The following ANKS1B variants were observed in gnomAD, a reference collection of about 807,000 sequenced individuals.
ANKS1B encodes ankyrin repeat and sterile alpha motif domain-containing protein 1B.
A neutral mutation model predicts 148.3 loss-of-function variants in ANKS1B; 36 were observed. That is an observed-to-expected ratio of 0.24 (90% CI 0.19 to 0.32). ANKS1B has a LOEUF of 0.32. ANKS1B is among the 10% of genes least tolerant of loss of function. The pLI, the probability that ANKS1B is intolerant of heterozygous loss-of-function variation, is 1.00. For synonymous variants in ANKS1B, 542 were observed against 560.8 expected (o/e 0.97, Z 0.47); for missense variants, 1,157 against 1,542.6 (o/e 0.75, Z 4.19).
chr12:98,784,072 G>T lies in ANKS1B; in HGVS notation c.3343-1935C>A, dbSNP rs1040639823. Among the ~76,000 whole-genome samples, 15 of 152,348 alleles carry T rather than the reference G, an allele frequency of 9.8e-5. No homozygotes were observed. In the East Asian group the frequency reaches 2.9e-3, roughly 29 times the overall value. On this transcript the variant is annotated intron_variant, in intron 22 of 26. Coordinates refer to ENST00000683438, the MANE Select transcript of ANKS1B (RefSeq NM_001352186.2). ...GAATGGGTGGGAGGATTCCACAGAT[G>T]AAGAAGCCACTGAGATAAGGAATAC...
At chr12:99,106,746 G>T (rs758943593) in intron 15 of ANKS1B, among the ~76,000 whole-genome samples, 17 of 152,276 alleles carry the variant, frequency 1.1e-4, no homozygotes, top group Non-Finnish European at 1.2e-4. Context: ...GAATACACAA[G>T]AAATTGTTAA....
chr12:98,980,926 C>A (rs2099909232), intron 17 of ANKS1B, among the ~76,000 whole-genome samples: 1 of 152,084 alleles, frequency 6.6e-6, no homozygotes, highest in Admixed American at 6.6e-5. Context: ...CTTTTTTTGT[C>A]TTCTTCCTCT....
At chr12:99,279,655 G>A (rs146385467) in intron 12 of ANKS1B, among the ~76,000 whole-genome samples, 45 of 152,252 alleles carry the variant, frequency 3.0e-4, no homozygotes, top group African/African-American at 1.0e-3. Flanking sequence ...TATCAAACAT[G>A]TTCTCAAAAT....
chr12:99,312,038 T>A (rs2083254690), intron 12 of ANKS1B, among the ~76,000 whole-genome samples: 1 of 152,170 alleles, frequency 6.6e-6, no homozygotes, highest in Admixed American at 6.6e-5. Context: ...GGAGAAATTT[T>A]AGAAAGAGAT....
intron 16 of ANKS1B, among the ~76,000 whole-genome samples, chr12:99,058,498 C>T (rs2153548792): frequency 6.6e-6 from 1 of 152,124 alleles, no homozygotes; most frequent in South Asian, 2.1e-4. Context: ...ATCTGCCTGC[C>T]TCAACCTCCC....
At chr12:99,031,218 A>C (rs1410151544) in intron 17 of ANKS1B, among the ~76,000 whole-genome samples, 28 of 152,222 alleles carry the variant, frequency 1.8e-4, no homozygotes, top group Admixed American at 1.8e-3. Context: ...ACATATTCCA[A>C]GTCAAATTGA....
At chr12:99,531,477 CCA>C (rs1377633664) in intron 9 of ANKS1B, among the ~76,000 whole-genome samples, 1 of 152,126 alleles carries the variant, frequency 6.6e-6, no homozygotes, top group African/African-American at 2.4e-5. Flanking sequence ...TTTTCTATTT[CCA>C]AGTTACTTCA....
intron 22 of ANKS1B, among the ~76,000 whole-genome samples, chr12:98,788,971 G>A (rs2098822492): frequency 6.6e-6 from 1 of 152,198 alleles, no homozygotes; most frequent in African/African-American, 2.4e-5. Flanking sequence ...TGGTTTCTCA[G>A]GGACTGTGAA....
At position 99,518,257 on chromosome 12, in the gene ANKS1B, C is replaced by A. The variant is rs1596250815; in HGVS notation, c.1273-13616G>T. 2.0e-5 allele frequency among the ~76,000 whole-genome samples: 3 copies of A among 152,144 alleles called. No individual in the cohort carries two copies. The South Asian group carries it at 6.2e-4, about 32-fold the overall frequency. ...ATGAGTTTGGAAGTATTCTCTCCTC[C>A]TCTACTTTTTGGAATAGTTTCAGTA... On this transcript the variant is annotated intron_variant, in intron 9 of 26. Transcript: ENST00000683438.
chr12:99,824,641 A>G (rs2082941602), intron 2 of ANKS1B, among the ~76,000 whole-genome samples: 1 of 152,268 alleles, frequency 6.6e-6, no homozygotes, highest in Non-Finnish European at 1.5e-5. Context: ...GAACATCTGA[A>G]TCATTTGGAG....
chr12:99,328,731 C>T (rs983022601), intron 12 of ANKS1B, among the ~76,000 whole-genome samples: 3 of 151,720 alleles, frequency 2.0e-5, no homozygotes, highest in Admixed American at 6.6e-5. Context: ...AAATTACAAG[C>T]ATGAAAACAA....
At chr12:99,008,512 C>T (rs1051165985) in intron 17 of ANKS1B, among the ~76,000 whole-genome samples, 3 of 152,118 alleles carry the variant, frequency 2.0e-5, no homozygotes, top group Non-Finnish European at 4.4e-5. Context: ...ATAGACTGTA[C>T]TTTTTCATGC....
intron 14 of ANKS1B, among the ~76,000 whole-genome samples, chr12:99,176,786 T>C (rs2078445068): frequency 6.6e-6 from 1 of 152,116 alleles, no homozygotes; most frequent in Non-Finnish European, 1.5e-5. Context: ...CCGTGTGAGA[T>C]GCCTGCTCCC....
chr12:99,424,560 A>G lies in ANKS1B; in HGVS notation c.1575+19113T>C, dbSNP rs376784624. Among the ~76,000 whole-genome samples, 22 of 152,028 alleles carry G rather than the reference A, an allele frequency of 1.4e-4. 1 individual carries two copies. Among genetic ancestry groups the G allele is most frequent in the East Asian group, 3.9e-4 (2 of 5,186 alleles). ...GAAAAAAATAGACTATCACTTTGAGAAACAATCTGGATTTTATGTGTACTA... is the reference window on the plus strand; with the variant it reads ...GAAAAAAATAGACTATCACTTTGAGGAACAATCTGGATTTTATGTGTACTA... On this transcript the variant is annotated intron_variant, in intron 11 of 26. Coordinates refer to ENST00000683438, the MANE Select transcript of ANKS1B (RefSeq NM_001352186.2).
chr12:98,914,076 G>A (rs535643056), intron 17 of ANKS1B, among the ~76,000 whole-genome samples: 57 of 152,186 alleles, frequency 3.7e-4, no homozygotes, highest in African/African-American at 1.0e-3. Context: ...TGTAATCCCC[G>A]GTGTTGGAGG....
chr12:99,871,263 G>A (rs997865590), intron 1 of ANKS1B, among the ~76,000 whole-genome samples: 3 of 152,078 alleles, frequency 2.0e-5, no homozygotes, highest in Non-Finnish European at 4.4e-5. Flanking sequence ...TGTCCCATTG[G>A]TCTATGTGTC....
chr12:98,936,299 A>G (rs1172261071), intron 17 of ANKS1B, among the ~76,000 whole-genome samples: 3 of 152,192 alleles, frequency 2.0e-5, no homozygotes, highest in African/African-American at 7.2e-5. Flanking sequence ...TCCAAAGCCA[A>G]TGCTGTCTCC....
At chr12:99,761,537 G>T (rs911301072) in intron 8 of ANKS1B, among the ~76,000 whole-genome samples, 2 of 151,968 alleles carry the variant, frequency 1.3e-5, no homozygotes, top group African/African-American at 4.8e-5. Context: ...AGGCATCAAA[G>T]AAACACAACT....
chr12:99,621,873 T>C (rs2098056464), intron 9 of ANKS1B, among the ~76,000 whole-genome samples: 2 of 151,636 alleles, frequency 1.3e-5, no homozygotes, highest in South Asian at 4.1e-4. Context: ...AAAGAAATTC[T>C]GGACTTCAAT....
Sources: gnomAD v4.1 joint callset for allele counts (sites outside exome capture counted in the v4.1 genomes callset) on GRCh38, gnomAD v4.1.1 for gene constraint, MANE v1.5 for transcripts, NCBI Gene and HGNC (gene_info 2026-07-23, HGNC 2026-07-21) for gene names.